Variants in ANKIB1 observed in about 807,000 individuals in gnomAD.
ANKIB1 encodes the protein ankyrin repeat and IBR domain containing 1, also known as ankyrin repeat and IBR domain-containing protein 1.
ANKIB1 carries 43 observed loss-of-function variants against 122.1 expected under a neutral mutation model. The observed-to-expected ratio is 0.35, with a 90% CI of 0.28 to 0.45. The LOEUF is 0.45. Ranked by LOEUF, ANKIB1 falls within the 20% of genes least tolerant of loss-of-function variation. The pLI is 1.00. For synonymous variants in ANKIB1, 390 were observed against 442.0 expected (o/e 0.88, Z 1.48); for missense variants, 992 against 1,329.5 (o/e 0.75, Z 3.95).
intron 9 of ANKIB1, among the ~76,000 whole-genome samples, chr7:92,358,292 A>G (rs1249284549): frequency 1.3e-5 from 2 of 152,110 alleles, no homozygotes; most frequent in African/African-American, 4.8e-5. Flanking sequence ...CCATGCTGTT[A>G]CTTCTTTTTT....
At chr7:92,300,623 AAT>A (rs201103880) in intron 2 of ANKIB1, among the ~76,000 whole-genome samples, 1 of 151,574 alleles carries the variant, frequency 6.6e-6, no homozygotes, top group African/African-American at 2.4e-5. Flanking sequence ...GTGATGTTTT[AAT>A]ATATATATAT....
chr7:92,355,746 G>A (rs1214899562), intron 9 of ANKIB1, among the ~76,000 whole-genome samples: 2 of 151,814 alleles, frequency 1.3e-5, no homozygotes, highest in Non-Finnish European at 2.9e-5. Flanking sequence ...ATATTCGGGA[G>A]GCTGAGGCAG....
intron 1 of ANKIB1, among the ~76,000 whole-genome samples, chr7:92,248,884 C>CTTTTTTTTTTTT (rs1801259876): frequency 8.0e-6 from 1 of 125,438 alleles, no homozygotes; most frequent in Non-Finnish European, 1.7e-5. Context: ...TTTTTCTTTT[C>CTTTTTTTTTTTT]TTTCTTTTTT....
chr7:92,325,857 A>C lies in ANKIB1; in HGVS notation c.670-1926A>C, dbSNP rs150275177. On this transcript the variant is annotated intron_variant, in intron 4 of 19. Transcript: ENST00000265742. Reference sequence around the variant, plus strand: ...TGGTCTTTTGGTAGCAGTAGTATGCACTAATGCAAAAGAGGTAATTTTATT... The same window carrying C: ...TGGTCTTTTGGTAGCAGTAGTATGCCCTAATGCAAAAGAGGTAATTTTATT... 3.4e-4 allele frequency: 143 copies of C among 414,958 alleles called. 1 individual carries two copies. Among genetic ancestry groups the C allele is most frequent in the African/African-American group, 2.6e-3 (124 of 48,334 alleles). The allele number at this position is 414,958 out of a possible 1,614,324, so 25.7% of individuals were successfully genotyped here.
intron 2 of ANKIB1, among the ~76,000 whole-genome samples, chr7:92,295,936 G>T (rs1465639668): frequency 1.3e-5 from 2 of 152,076 alleles, no homozygotes; most frequent in African/African-American, 4.8e-5. Flanking sequence ...GATTATGCAG[G>T]TATAGGAGTC....
At chr7:92,355,051 C>G (rs950025961) in intron 9 of ANKIB1, among the ~76,000 whole-genome samples, 3 of 152,154 alleles carry the variant, frequency 2.0e-5, no homozygotes, top group African/African-American at 7.2e-5. Context: ...TGTTGGGAGA[C>G]AAGTAGTATT....
intron 1 of ANKIB1, among the ~76,000 whole-genome samples, chr7:92,280,523 C>T (rs1488273785): frequency 6.7e-6 from 1 of 149,368 alleles, no homozygotes; most frequent in African/African-American, 2.5e-5. Context: ...ACCTTTATCC[C>T]TGGCACTTGG....
rs1366400229 is a variant in ANKIB1 at position 92,352,595 on chromosome 7, G to A, written c.1350G>A (p.Leu450=). 4.3e-6 allele frequency: 7 copies of A among 1,613,184 alleles called. No individual in the cohort carries two copies. Among genetic ancestry groups the A allele is most frequent in the Non-Finnish European group, 5.1e-6 (6 of 1,179,732 alleles). The change falls in exon 9 of 20, where the codon TTG becomes TTA. Residue 450 remains leucine, a synonymous_variant. Coordinates refer to ENST00000265742, the MANE Select transcript of ANKIB1 (RefSeq NM_019004.2). ...GATCTGATACACTCAGCTTCCCATT[G>A]CTGAGAGCTCCTGCTGTTGATTGTG... ...TSGSDTLSFP[L]LRAPAVDCGK...
intron 10 of ANKIB1, 56 bp from the exon 11 acceptor site, chr7:92,371,421 C>G: frequency 1.3e-6 from 2 of 1,496,698 alleles, no homozygotes; most frequent in South Asian, 2.5e-5. Flanking sequence ...TTTTTTTTCC[C>G]CCAGAAGTTG....
intron 1 of ANKIB1, among the ~76,000 whole-genome samples, chr7:92,263,448 A>G (rs1245206550): frequency 2.0e-5 from 3 of 152,182 alleles, no homozygotes; most frequent in African/African-American, 7.2e-5. Flanking sequence ...GTCTTAACAA[A>G]CCTGATATTT....
intron 1 of ANKIB1, among the ~76,000 whole-genome samples, chr7:92,286,438 A>T (rs551319795): frequency 6.6e-6 from 1 of 150,954 alleles, no homozygotes; most frequent in East Asian, 1.9e-4. Flanking sequence ...CTAGAGGACA[A>T]CTGGTCCTTC....
At chr7:92,376,804 A>G (rs967197072) in intron 11 of ANKIB1, among the ~76,000 whole-genome samples, 13 of 151,988 alleles carry the variant, frequency 8.6e-5, no homozygotes, top group African/African-American at 2.9e-4. Context: ...TCATGAACCA[A>G]TGTTGGCTAA....
intron 11 of ANKIB1, among the ~76,000 whole-genome samples, chr7:92,380,395 G>A (rs183831724): frequency 2.0e-5 from 3 of 152,274 alleles, no homozygotes; most frequent in Admixed American, 1.3e-4. Context: ...CTCCCAGCAT[G>A]GTGTTTGAGC....
At chr7:92,398,029 G>T (rs750054017) in intron 19 of ANKIB1, among the ~76,000 whole-genome samples, 170 bp downstream of exon 19, 12 of 151,608 alleles carry the variant, frequency 7.9e-5, no homozygotes, top group Admixed American at 6.6e-4. Context: ...TTATTTTAAG[G>T]TATGTTTTTT....
intron 1 of ANKIB1, among the ~76,000 whole-genome samples, chr7:92,281,431 C>T (rs1331336086): frequency 6.6e-6 from 1 of 152,196 alleles, no homozygotes; most frequent in Non-Finnish European, 1.5e-5. Context: ...ATGGATCAAC[C>T]TTGCAAGAGG....
intron 4 of ANKIB1, among the ~76,000 whole-genome samples, chr7:92,320,459 C>T (rs1446269399): frequency 1.3e-5 from 2 of 152,186 alleles, no homozygotes; most frequent in Non-Finnish European, 2.9e-5. Flanking sequence ...ACACTTTCCT[C>T]TTGGCTTTGG....
At chr7:92,396,585 A>T (rs1804898061) in intron 18 of ANKIB1, 109 bp downstream of exon 18, 2 of 630,750 alleles carry the variant, frequency 3.2e-6, no homozygotes, top group East Asian at 5.6e-5. Context: ...GATATACAAT[A>T]AATATGCAGA....
chr7:92,368,662 A>C (rs369859901), intron 10 of ANKIB1, among the ~76,000 whole-genome samples: 1 of 152,034 alleles, frequency 6.6e-6, no homozygotes, highest in Admixed American at 6.5e-5. Flanking sequence ...CAGAGTTTGC[A>C]GTGAGCTGAG....
intron 1 of ANKIB1, among the ~76,000 whole-genome samples, chr7:92,247,231 T>G (rs1801136841): frequency 6.6e-6 from 1 of 152,210 alleles, no homozygotes. Flanking sequence ...GACAGATAAA[T>G]GTAAAGATAA....
Sources: allele counts gnomAD v4.1 joint callset (sites outside exome capture counted in the v4.1 genomes callset), GRCh38; gene constraint gnomAD v4.1.1; transcripts MANE v1.5; gene names NCBI Gene and HGNC (gene_info 2026-07-23, HGNC 2026-07-21).